The following BTN3A2 variants were observed in gnomAD, a reference collection of about 807,000 sequenced individuals.
BTN3A2 encodes the protein butyrophilin subfamily 3 member A2, also known as butyrophilin protein.
In BTN3A2, 25 loss-of-function variants were observed where a neutral mutation model predicts 37.6. That is an observed-to-expected ratio of 0.66 (90% confidence interval 0.48 to 0.93). The LOEUF (loss-of-function observed/expected upper bound fraction) is 0.93. BTN3A2 is among the 40% of genes least tolerant of loss of function. BTN3A2 has a pLI of 0.00. For missense variants in BTN3A2, 266 were observed against 410.9 expected (o/e 0.65, Z 3.05); for synonymous variants, 122 against 159.4 (o/e 0.77, Z 1.77).
At position 26,376,503 on chromosome 6, in the gene BTN3A2, T is replaced by G. The variant is rs1760724965; in HGVS notation, c.*741T>G. The G allele has an allele frequency of 7.9e-7, 1 of 1,258,492 alleles. No homozygotes were observed. Among genetic ancestry groups the G allele is most frequent in the East Asian group, 2.8e-5 (1 of 35,816 alleles). The allele number at this position is 1,258,492 out of a possible 1,614,324, so 78.0% of individuals were successfully genotyped here. A position where few individuals can be genotyped will look rare whatever the true frequency, so the allele number is the denominator to read the frequency against. The stretch of plus-strand genomic sequence containing the variant: ...GGACCTCCTCAGCATGGCCCAAGCC[T>G]TGCATGCTGTGGCTCTTAAATCCAG... On this transcript the variant is annotated 3_prime_UTR_variant, in exon 11 of 11. Coordinates refer to ENST00000377708, the MANE Select transcript of BTN3A2 (RefSeq NM_007047.5).
rs963718069 is a variant in BTN3A2 at position 26,368,913 on chromosome 6, G to C, written c.433+1G>C. On this transcript the variant is annotated splice_donor_variant, in intron 4 of 10. Coordinates refer to ENST00000377708, the MANE Select transcript of BTN3A2 (RefSeq NM_007047.5). LOFTEE classifies it high-confidence loss of function. ...GCCCTGGTGGAGCTGAAGGTTGCAG[G>C]TGAGCCTCCAGGTTTTGTTCTGAGA... 1.4e-6 allele frequency: 2 copies of C among 1,481,432 alleles called. No individual in the cohort carries two copies. The highest frequency in any genetic ancestry group is 2.8e-5 in the African/African-American group (2 of 72,702). 91.8% of individuals were successfully genotyped at this position (1,481,432 alleles called of 1,614,324 possible).
intron 9 of BTN3A2, 22 bp from the exon 10 acceptor site, chr6:26,374,749 A>C: frequency 1.3e-6 from 2 of 1,526,040 alleles, no homozygotes; most frequent in Non-Finnish European, 1.8e-6. Context: ...CCTTTTTCTT[A>C]TCTGTGTCTC....
intron 9 of BTN3A2, 170 bp downstream of exon 9, chr6:26,374,543 C>A: frequency 1.2e-6 from 1 of 864,082 alleles, no homozygotes; most frequent in Non-Finnish European, 1.8e-6. Context: ...CCTGCACACC[C>A]CCTTGTAAAG....
chr6:26,375,326 C>T, intron 10 of BTN3A2: 2 of 341,916 alleles, frequency 5.8e-6, no homozygotes, highest in Non-Finnish European at 1.1e-5. Context: ...CTGTCTCCAC[C>T]CCTAGCCTGG....
At position 26,374,201 on chromosome 6, in the gene BTN3A2, TAAAAAAAAAAAAAAAAAAAAAAAAAA is replaced by T. The variant is rs34655395; in HGVS notation, c.965-112_965-87del. Reference sequence around the variant, plus strand: ...GAGACCATGGGGAAGGGTGGGATGGTAAAAAAAAAAAAAAAAAAAAAAAAAAAAAAAAAAAAAAAGACTAGATGGAT... The same window carrying T: ...GAGACCATGGGGAAGGGTGGGATGGTAAAAAAAAAAAAAGACTAGATGGAT... On this transcript the variant is annotated intron_variant, in intron 8 of 10. Transcript: ENST00000377708. 2.6e-4 allele frequency: 63 copies of T among 246,754 alleles called. 1 individual carries two copies. Among genetic ancestry groups the T allele is most frequent in the South Asian group, 3.6e-4 (8 of 22,018 alleles). The allele number at this position is 246,754 out of a possible 1,614,324, so 15.3% of individuals were successfully genotyped here.
intron 8 of BTN3A2, 130 bp downstream of exon 8, chr6:26,373,543 CA>C (rs1175314137): frequency 4.2e-6 from 3 of 718,398 alleles, no homozygotes; most frequent in African/African-American, 4.3e-5. Context: ...AAAAAGAAAA[CA>C]AGTGTGGCTC....
At chr6:26,373,980 A>G (rs1760417191) in intron 8 of BTN3A2, 3 of 227,968 alleles carry the variant, frequency 1.3e-5, no homozygotes, top group Non-Finnish European at 2.5e-5. Flanking sequence ...ATACAGATTG[A>G]GAAGGATGAA....
In BTN3A2 at chr6:26,377,046, G is replaced by A; in HGVS notation, c.*1284G>A. The A allele has an allele frequency of 3.6e-6, 5 of 1,389,542 alleles. No individual in the cohort carries two copies. The highest frequency in any genetic ancestry group is 1.2e-5 in the South Asian group (1 of 85,264). 86.1% of individuals were successfully genotyped at this position (1,389,542 alleles called of 1,614,324 possible). ...CTCTTCCTCTGAGCCTCTGTATCCT[G>A]TATTCAGAATTTTGACCTTGGAGCC... On this transcript the variant is annotated 3_prime_UTR_variant, in exon 11 of 11. Transcript: ENST00000377708.
intron 5 of BTN3A2, among the ~76,000 whole-genome samples, chr6:26,370,932 G>A (rs986835541): frequency 7.2e-5 from 11 of 152,192 alleles, no homozygotes; most frequent in African/African-American, 2.4e-4. Flanking sequence ...TAGAGAAAGA[G>A]CTGATCTCCT....
At position 26,377,020 on chromosome 6, in the gene BTN3A2, C is replaced by T. The variant is rs1760754192; in HGVS notation, c.*1258C>T. 1 of 1,411,912 alleles carries T rather than the reference C, an allele frequency of 7.1e-7. No homozygotes were observed. The highest frequency in any genetic ancestry group is 1.0e-6 in the Non-Finnish European group (1 of 999,458). 87.5% of individuals were successfully genotyped at this position (1,411,912 alleles called of 1,614,324 possible). A position where few individuals can be genotyped will look rare whatever the true frequency, so the allele number is the denominator to read the frequency against. ...TCTCATATCTACACATTTCTGCACG[C>T]CTCTTCCTCTGAGCCTCTGTATCCT... On this transcript the variant is annotated 3_prime_UTR_variant, in exon 11 of 11. Transcript: ENST00000377708.
In BTN3A2 at chr6:26,377,079, C is replaced by T. The variant is rs987755544; in HGVS notation, c.*1317C>T. The T allele has an allele frequency of 2.2e-6, 3 of 1,363,320 alleles. No homozygotes were observed. The African/African-American group carries it at 4.3e-5, about 19-fold the overall frequency. The allele number at this position is 1,363,320 out of a possible 1,614,324, so 84.5% of individuals were successfully genotyped here. ...AATTTTGACCTTGGAGCCCACTGCC[C>T]TGACCGTTTGCCCAATACCAAAAGT... On this transcript the variant is annotated 3_prime_UTR_variant, in exon 11 of 11. Coordinates refer to ENST00000377708, the MANE Select transcript of BTN3A2 (RefSeq NM_007047.5).
At position 26,376,081 on chromosome 6, in the gene BTN3A2, C is replaced by T. The variant is rs375684300; in HGVS notation, c.*319C>T. The T allele has an allele frequency of 3.0e-5, 11 of 363,688 alleles. No individual in the cohort carries two copies. The highest frequency in any genetic ancestry group is 1.0e-4 in the South Asian group (3 of 29,546). 22.5% of individuals were successfully genotyped at this position (363,688 alleles called of 1,614,324 possible). ...ATAAAAAATTAGCCGGGCATGGTGA[C>T]GGGCACCTGTAGTCCCAGCTACTCG... On this transcript the variant is annotated 3_prime_UTR_variant, in exon 11 of 11. Transcript: ENST00000377708.
At position 26,372,893 on chromosome 6, in the gene BTN3A2, G is replaced by C. The variant is rs12174639; in HGVS notation, c.716-4G>C. 3 of 1,612,878 alleles carry C rather than the reference G, an allele frequency of 1.9e-6. No homozygotes were observed. The highest frequency in any genetic ancestry group is 2.5e-6 in the Non-Finnish European group (3 of 1,179,910). ...CCCATGACCTACAGCTCTCCCCTTCGCAGACCCCTTCTTCAGGAGCGCCCA... is the reference window on the plus strand; with the variant it reads ...CCCATGACCTACAGCTCTCCCCTTCCCAGACCCCTTCTTCAGGAGCGCCCA... On this transcript the variant is annotated splice_polypyrimidine_tract_variant and splice_region_variant and intron_variant, in intron 5 of 10. Transcript: ENST00000377708.
intron 5 of BTN3A2, among the ~76,000 whole-genome samples, chr6:26,371,246 G>A (rs1380488967): frequency 6.6e-6 from 1 of 152,060 alleles, no homozygotes; most frequent in Non-Finnish European, 1.5e-5. Flanking sequence ...GGATTACAGA[G>A]CGAGACTCTG....
rs577266243 is a variant in BTN3A2 at position 26,376,498 on chromosome 6, A to C, written c.*736A>C. 1.6e-6 allele frequency: 2 copies of C among 1,234,744 alleles called. No individual in the cohort carries two copies. The highest frequency in any genetic ancestry group is 5.7e-5 in the East Asian group (2 of 34,858). 76.5% of individuals were successfully genotyped at this position (1,234,744 alleles called of 1,614,324 possible). On this transcript the variant is annotated 3_prime_UTR_variant, in exon 11 of 11. Transcript: ENST00000377708. The stretch of plus-strand genomic sequence containing the variant: ...TGGAAGGACCTCCTCAGCATGGCCC[A>C]AGCCTTGCATGCTGTGGCTCTTAAA...
At chr6:26,370,190 C>G in intron 4 of BTN3A2, 132 bp from the exon 5 acceptor site, 4 of 1,247,518 alleles carry the variant, frequency 3.2e-6, no homozygotes, top group Non-Finnish European at 4.4e-6. Flanking sequence ...CTCATCATGA[C>G]CACACTTTTG....
Position 26,370,497 on chromosome 6 carries a change from A to G in BTN3A2, c.609A>G (p.Glu203=), listed in dbSNP as rs1361368414. 1 of 1,614,180 alleles carries G rather than the reference A, an allele frequency of 6.2e-7. No homozygotes were observed. Among genetic ancestry groups the G allele is most frequent in the Admixed American group, 1.7e-5 (1 of 60,014 alleles). ...PVVADGVGLY[E]VAASVIMRGG... is the part of the protein sequence containing the mutation. ...TTGCAGATGGAGTGGGCCTATATGAAGTAGCAGCATCTGTGATCATGAGAG... is the reference window on the plus strand; with the variant it reads ...TTGCAGATGGAGTGGGCCTATATGAGGTAGCAGCATCTGTGATCATGAGAG... The change falls in exon 5 of 11, where the codon GAA becomes GAG. Residue 203 remains glutamate, a synonymous_variant. Coordinates refer to ENST00000377708, the MANE Select transcript of BTN3A2 (RefSeq NM_007047.5).
chr6:26,373,431 T>C lies in BTN3A2; in HGVS notation c.964+18T>C. ...CTTGACTCGTGAGTGGCTTTGACAT[T>C]TTCTCTGAATTCAAATCTGTTACTC... On this transcript the variant is annotated intron_variant, in intron 8 of 10. Coordinates refer to ENST00000377708, the MANE Select transcript of BTN3A2 (RefSeq NM_007047.5). 1 of 1,599,152 alleles carries C rather than the reference T, an allele frequency of 6.3e-7. No individual in the cohort carries two copies.
chr6:26,374,621 C>T, intron 9 of BTN3A2, 150 bp from the exon 10 acceptor site: 2 of 976,724 alleles, frequency 2.0e-6, no homozygotes, highest in Non-Finnish European at 3.1e-6. Context: ...GAAGGTGCCA[C>T]CTCTGATCCA....
Sources: gnomAD v4.1 joint callset for allele counts (sites outside exome capture counted in the v4.1 genomes callset) on GRCh38, gnomAD v4.1.1 for gene constraint, MANE v1.5 for transcripts, NCBI Gene and HGNC (gene_info 2026-07-23, HGNC 2026-07-21) for gene names.